Variants in KHDRBS2 observed in about 807,000 individuals in gnomAD.
The protein encoded by KHDRBS2 is KH domain-containing, RNA-binding, signal transduction-associated protein 2.
Under a neutral mutation model 44.3 loss-of-function variants are expected in KHDRBS2, and 26 were observed. That is an observed-to-expected ratio of 0.59 (90% confidence interval 0.43 to 0.81). The LOEUF is 0.81. Among genes scored for constraint, KHDRBS2 ranks in the 40% least tolerant of loss-of-function variants. The probability of loss-of-function intolerance (pLI) is 0.00; values close to 1 mark genes in which losing one functional copy is unlikely to be tolerated. For missense variants in KHDRBS2, 476 were observed against 433.1 expected, an observed-to-expected ratio of 1.10 and a Z score of -0.88; for synonymous variants, 194 against 151.1, an observed-to-expected ratio of 1.28 and a Z score of -2.08.
chr6:61,556,454 C>A, the KHDRBS2 span, among the ~76,000 whole-genome samples: 1 of 152,142 alleles, frequency 6.6e-6, no homozygotes, highest in African/African-American at 2.4e-5. Flanking sequence ...CTCCAAAATT[C>A]AAATACATTC....
the KHDRBS2 span, among the ~76,000 whole-genome samples, chr6:61,588,260 C>T: frequency 2.0e-4 from 31 of 152,262 alleles, no homozygotes; most frequent in East Asian, 5.6e-3. Context: ...GTGTCAATAA[C>T]TCTAAAAGCA....
chr6:61,858,422 G>GT (rs1176432958), intron 6 of KHDRBS2, among the ~76,000 whole-genome samples: 2 of 151,322 alleles, frequency 1.3e-5, no homozygotes, highest in South Asian at 2.1e-4. Context: ...CTCAATATTA[G>GT]TTTTTTTCTG....
the KHDRBS2 span, among the ~76,000 whole-genome samples, chr6:61,623,546 G>A: frequency 5.3e-5 from 8 of 152,206 alleles, no homozygotes; most frequent in East Asian, 1.5e-3. Flanking sequence ...ATTAGAAACT[G>A]GATTCTGTTG....
At chr6:61,811,775 A>G (rs1057328063) in intron 6 of KHDRBS2, among the ~76,000 whole-genome samples, 5 of 152,088 alleles carry the variant, frequency 3.3e-5, no homozygotes, top group Admixed American at 2.6e-4. Flanking sequence ...TGGCTTTTAC[A>G]TATTACCAAA....
At chr6:62,063,847 T>G (rs1455251866) in intron 2 of KHDRBS2, among the ~76,000 whole-genome samples, 1 of 135,076 alleles carries the variant, frequency 7.4e-6, no homozygotes, top group African/African-American at 2.8e-5. Context: ...ATTGTCCCTG[T>G]TTGCAGATGA....
chr6:61,959,555 T>C (rs1337097300), intron 4 of KHDRBS2, among the ~76,000 whole-genome samples: 7 of 152,092 alleles, frequency 4.6e-5, no homozygotes, highest in Admixed American at 4.6e-4. Flanking sequence ...GAAAAGTTAA[T>C]AGGTAAGTCA....
intron 2 of KHDRBS2, among the ~76,000 whole-genome samples, chr6:62,114,032 G>A (rs186619587): frequency 1.9e-4 from 29 of 152,132 alleles, no homozygotes; most frequent in Middle Eastern, 3.4e-3. Context: ...AGAGATAAGC[G>A]CAAAGCAAAG....
At chr6:61,884,781 T>G (rs747768341) in intron 6 of KHDRBS2, among the ~76,000 whole-genome samples, 1 of 152,098 alleles carries the variant, frequency 6.6e-6, no homozygotes, top group Non-Finnish European at 1.5e-5. Context: ...GAACAGACTT[T>G]TAGTACCAGC....
At chr6:61,709,938 T>C (rs1459469637) in intron 7 of KHDRBS2, among the ~76,000 whole-genome samples, 1 of 151,728 alleles carries the variant, frequency 6.6e-6, no homozygotes, top group African/African-American at 2.4e-5. Flanking sequence ...TTTAATCTAG[T>C]TGACTTTGCT....
rs145069061 is a variant in KHDRBS2, at chr6:61,771,462, C to G, written c.811-38698G>C. Among the ~76,000 whole-genome samples the G allele has an allele frequency of 8.9e-3, 1,356 of 152,122 alleles. 9 individuals carry two copies. Among genetic ancestry groups the G allele is most frequent in the Middle Eastern group, 0.017 (5 of 294 alleles). The stretch of plus-strand genomic sequence containing the variant: ...AACCCATCTCACGTGCAGAGACACA[C>G]ATAGGCTCAAAATAAAGGGATGGAG... On this transcript the variant is annotated intron_variant, in intron 6 of 8. Coordinates refer to ENST00000281156, the MANE Select transcript of KHDRBS2 (RefSeq NM_152688.4).
chr6:62,246,965 A>G (rs1030999549), intron 1 of KHDRBS2, among the ~76,000 whole-genome samples: 1 of 152,112 alleles, frequency 6.6e-6, no homozygotes, highest in Non-Finnish European at 1.5e-5. Flanking sequence ...GATATGTTTG[A>G]AAGAATTTTA....
At chr6:61,955,067 C>T (rs1487762387) in intron 4 of KHDRBS2, among the ~76,000 whole-genome samples, 1 of 142,812 alleles carries the variant, frequency 7.0e-6, no homozygotes, top group Non-Finnish European at 1.5e-5. Context: ...TATGTATACA[C>T]ATATACGTGT....
intron 3 of KHDRBS2, among the ~76,000 whole-genome samples, chr6:62,022,984 A>T (rs1333916752): frequency 6.6e-6 from 1 of 151,678 alleles, no homozygotes; most frequent in East Asian, 1.9e-4. Flanking sequence ...TAAAGGAAAG[A>T]CATTAAACTT....
chr6:62,268,331 C>T (rs1042131645), intron 1 of KHDRBS2, among the ~76,000 whole-genome samples: 2 of 152,000 alleles, frequency 1.3e-5, no homozygotes, highest in Non-Finnish European at 2.9e-5. Context: ...ATGATGAGTA[C>T]ATACATGCTT....
At chr6:62,194,468 TTTC>T (rs1253043654) in intron 1 of KHDRBS2, among the ~76,000 whole-genome samples, 2 of 148,632 alleles carry the variant, frequency 1.3e-5, no homozygotes, top group African/African-American at 4.9e-5. Context: ...TTTCTTTTCT[TTTC>T]TTTTCTTCCT....
Position 62,157,383 on chromosome 6 carries a change from G to T in KHDRBS2, c.219+19802C>A, listed in dbSNP as rs1376281629. Reference sequence around the variant, plus strand: ...TATAATTTAATGCATGTTTGTGAAGGTTCAATATTTGTTTCATAGTTCTGG... The same window carrying T: ...TATAATTTAATGCATGTTTGTGAAGTTTCAATATTTGTTTCATAGTTCTGG... On this transcript the variant is annotated intron_variant, in intron 2 of 8. Coordinates refer to ENST00000281156, the MANE Select transcript of KHDRBS2 (RefSeq NM_152688.4). 2.0e-5 allele frequency among the ~76,000 whole-genome samples: 3 copies of T among 151,994 alleles called. No individual in the cohort carries two copies. In the East Asian group the frequency reaches 5.8e-4, roughly 29 times the overall value.
intron 6 of KHDRBS2, among the ~76,000 whole-genome samples, chr6:61,855,505 C>T (rs1796027303): frequency 6.9e-6 from 1 of 145,874 alleles, no homozygotes; most frequent in Non-Finnish European, 1.5e-5. Flanking sequence ...TATATATATG[C>T]ATACTAGACC....
intron 1 of KHDRBS2, among the ~76,000 whole-genome samples, chr6:62,268,198 G>T (rs1374668281): frequency 6.6e-6 from 1 of 151,866 alleles, no homozygotes; most frequent in Non-Finnish European, 1.5e-5. Flanking sequence ...TGCTTTTGGG[G>T]GTAGTAGCTT....
the KHDRBS2 span, among the ~76,000 whole-genome samples, chr6:61,652,092 A>T: frequency 9.9e-5 from 15 of 152,050 alleles, no homozygotes; most frequent in African/African-American, 1.7e-4. Flanking sequence ...GAGAGAAGAA[A>T]ATTGGCTCGT....
Sources: gnomAD v4.1 joint callset for allele counts (sites outside exome capture counted in the v4.1 genomes callset) on GRCh38, gnomAD v4.1.1 for gene constraint, MANE v1.5 for transcripts, NCBI Gene and HGNC (gene_info 2026-07-23, HGNC 2026-07-21) for gene names.